The following CNTNAP4 variants were observed in gnomAD, a reference collection of about 807,000 sequenced individuals.
CNTNAP4 encodes the protein contactin associated protein family member 4.
Under a neutral mutation model 148.4 loss-of-function variants are expected in CNTNAP4, and 98 were observed. The ratio of observed to expected loss-of-function variants is 0.66; its 90% CI spans 0.56 to 0.78. CNTNAP4 has a LOEUF of 0.78. CNTNAP4 is among the 30% of genes least tolerant of loss of function. The probability of loss-of-function intolerance (pLI) is 0.00; values close to 1 mark genes in which losing one functional copy is unlikely to be tolerated. For missense variants in CNTNAP4, 1,935 were observed against 1,565.6 expected (o/e 1.24, Z -3.98); for synonymous variants, 730 against 565.1 (o/e 1.29, Z -4.14).
At chr16:76,420,274 G>GAATAATGTATATTCTGTAGAAT (rs2079139706) in intron 3 of CNTNAP4, among the ~76,000 whole-genome samples, 1 of 73,098 alleles carries the variant, frequency 1.4e-5, no homozygotes, top group African/African-American at 3.5e-5. Context: ...TATTCTATAG[G>GAATAATGTATATTCTGTAGAAT]AGATAAATAT....
intron 8 of CNTNAP4, among the ~76,000 whole-genome samples, chr16:76,452,991 G>A (rs1229150245): frequency 1.3e-5 from 2 of 152,084 alleles, no homozygotes; most frequent in Non-Finnish European, 2.9e-5. Flanking sequence ...GATAGTTTTG[G>A]GGAACTGAAG....
At chr16:76,338,728 C>T (rs1229012934) in intron 2 of CNTNAP4, among the ~76,000 whole-genome samples, 3 of 152,148 alleles carry the variant, frequency 2.0e-5, no homozygotes, top group Non-Finnish European at 4.4e-5. Flanking sequence ...AGACTGTTTT[C>T]AGGGTTTGCC....
intron 2 of CNTNAP4, among the ~76,000 whole-genome samples, chr16:76,343,359 G>A (rs952902247): frequency 2.0e-5 from 3 of 152,052 alleles, no homozygotes; most frequent in Admixed American, 2.0e-4. Context: ...AAATAAGATG[G>A]AGATAAACAG....
intron 1 of CNTNAP4, among the ~76,000 whole-genome samples, chr16:76,306,981 C>T (rs1258112480): frequency 6.6e-6 from 1 of 152,110 alleles, no homozygotes; most frequent in Non-Finnish European, 1.5e-5. Flanking sequence ...TGAATCCAGA[C>T]CCCATGTTTT....
At chr16:76,449,575 C>T (rs2080376025) in intron 6 of CNTNAP4, 140 bp from the exon 7 acceptor site, 2 of 632,828 alleles carry the variant, frequency 3.2e-6, no homozygotes, top group East Asian at 6.6e-5. Context: ...TGTTTTAAAT[C>T]TATATCTTAA....
rs769332427 is a variant in CNTNAP4 at position 76,560,026 on chromosome 16, A to G, written c.*1343A>G. The stretch of plus-strand genomic sequence containing the variant: ...GAATGGTACATTCTGATTAGGGTGT[A>G]TTATACACTAGGAGATCAAAGAATG... On this transcript the variant is annotated 3_prime_UTR_variant, in exon 24 of 24. Transcript: ENST00000611870. Among the ~76,000 whole-genome samples, 1 of 152,202 alleles carries G rather than the reference A, an allele frequency of 6.6e-6. No individual in the cohort carries two copies. The highest frequency in any genetic ancestry group is 2.4e-5 in the African/African-American group (1 of 41,466).
intron 3 of CNTNAP4, among the ~76,000 whole-genome samples, chr16:76,366,680 T>A (rs979601857): frequency 6.6e-6 from 1 of 152,192 alleles, no homozygotes; most frequent in Non-Finnish European, 1.5e-5. Flanking sequence ...AAATGGTTCT[T>A]AGCTCTTTGA....
chr16:76,325,109 C>G (rs146136147), intron 2 of CNTNAP4, among the ~76,000 whole-genome samples: 107 of 152,174 alleles, frequency 7.0e-4, no homozygotes, highest in African/African-American at 2.4e-3. Flanking sequence ...CACCAAATAA[C>G]AGAGTTTTAA....
chr16:76,495,102 T>C, intron 14 of CNTNAP4, 36 bp downstream of exon 14: 4 of 1,607,780 alleles, frequency 2.5e-6, no homozygotes, highest in Non-Finnish European at 3.4e-6. Context: ...CAAGAAAAAG[T>C]TCATTTAAAA....
chr16:76,499,474 T>G lies in CNTNAP4; in HGVS notation c.2365+780T>G, dbSNP rs533286210. Among the ~76,000 whole-genome samples the G allele has an allele frequency of 2.2e-4, 34 of 152,216 alleles. 1 individual carries two copies. In the South Asian group the frequency reaches 6.8e-3, roughly 31 times the overall value. On this transcript the variant is annotated intron_variant, in intron 15 of 23. Transcript: ENST00000611870. Reference sequence around the variant, plus strand: ...CTAGATTTGGTAATTCAGCCAGACTTCCTACTAATTTATTACAACGCTGTT... The same window carrying G: ...CTAGATTTGGTAATTCAGCCAGACTGCCTACTAATTTATTACAACGCTGTT...
intron 3 of CNTNAP4, among the ~76,000 whole-genome samples, chr16:76,400,701 G>C (rs888710313): frequency 5.3e-5 from 8 of 152,152 alleles, no homozygotes; most frequent in East Asian, 1.9e-4. Flanking sequence ...AACGCATATT[G>C]AGTTAACTTT....
chr16:76,444,367 TAGA>T (rs1265499127), intron 4 of CNTNAP4, among the ~76,000 whole-genome samples: 1 of 152,172 alleles, frequency 6.6e-6, no homozygotes, highest in African/African-American at 2.4e-5. Flanking sequence ...CTTTACCTGT[TAGA>T]AGATGTTCTA....
intron 4 of CNTNAP4, among the ~76,000 whole-genome samples, chr16:76,429,779 C>G (rs1398495117): frequency 6.6e-6 from 1 of 152,144 alleles, no homozygotes; most frequent in African/African-American, 2.4e-5. Context: ...TTTGTTGCAA[C>G]TTCATTTGCT....
At chr16:76,448,267 A>T in intron 5 of CNTNAP4, 52 bp downstream of exon 5, 1 of 1,298,620 alleles carries the variant, frequency 7.7e-7, no homozygotes, top group Non-Finnish European at 1.1e-6. Flanking sequence ...GATATCACCT[A>T]AGTCACTTTA....
intron 3 of CNTNAP4, among the ~76,000 whole-genome samples, chr16:76,407,008 A>G (rs1316755898): frequency 6.6e-6 from 1 of 152,156 alleles, no homozygotes; most frequent in Non-Finnish European, 1.5e-5. Flanking sequence ...TGCCATCTAG[A>G]ACTTTCATAG....
At chr16:76,554,699 T>C (rs1238250524) in intron 23 of CNTNAP4, among the ~76,000 whole-genome samples, 2 of 152,066 alleles carry the variant, frequency 1.3e-5, no homozygotes, top group Non-Finnish European at 2.9e-5. Flanking sequence ...TAAACAATTA[T>C]TCTGTTGCAT....
chr16:76,383,246 C>G (rs528924978), intron 3 of CNTNAP4, among the ~76,000 whole-genome samples: 2 of 151,814 alleles, frequency 1.3e-5, no homozygotes, highest in Non-Finnish European at 2.9e-5. Context: ...TTTGTAAACT[C>G]CAATGAAATA....
chr16:76,386,404 G>A (rs1008065624), intron 3 of CNTNAP4, among the ~76,000 whole-genome samples: 18 of 152,140 alleles, frequency 1.2e-4, no homozygotes, highest in African/African-American at 2.9e-4. Flanking sequence ...TGATTTGCTT[G>A]CTCTCAGTTT....
rs150568908 is a variant in CNTNAP4, at chr16:76,479,342, C to A, written c.1763-77C>A. The A allele has an allele frequency of 4.5e-4, 572 of 1,275,388 alleles. 5 individuals are homozygous for A. In the East Asian group the frequency reaches 0.013, roughly 29 times the overall value. 79.0% of individuals were successfully genotyped at this position (1,275,388 alleles called of 1,614,324 possible). A position where few individuals can be genotyped will look rare whatever the true frequency, so the allele number is the denominator to read the frequency against. ...TGTACATTTTAAATTTCAAGATTTG[C>A]GGTATTTCATGTCCAAATTAAAAGT... On this transcript the variant is annotated intron_variant, in intron 11 of 23. Transcript: ENST00000611870.
Sources: gnomAD v4.1 joint callset for allele counts (sites outside exome capture counted in the v4.1 genomes callset) on GRCh38, gnomAD v4.1.1 for gene constraint, MANE v1.5 for transcripts, NCBI Gene and HGNC (gene_info 2026-07-23, HGNC 2026-07-21) for gene names.